Variants in COL26A1 observed in about 807,000 individuals in gnomAD.
The protein encoded by COL26A1 is collagen type XXVI alpha 1 chain, also known as collagen alpha-1(XXVI) chain.
A neutral mutation model predicts 59.3 loss-of-function variants in COL26A1; 41 were observed. The observed-to-expected ratio is 0.69, with a 90% CI of 0.54 to 0.90. COL26A1 has a LOEUF of 0.90. COL26A1 is among the 40% of genes least tolerant of loss of function. COL26A1 has a pLI of 0.00. For missense variants in COL26A1, 612 were observed against 602.3 expected, an observed-to-expected ratio of 1.02 and a Z score of -0.17; for synonymous variants, 266 against 256.0, an observed-to-expected ratio of 1.04 and a Z score of -0.37.
rs369723412 is a variant in COL26A1 at position 101,363,031 on chromosome 7, C to T, written c.-2C>T. The T allele has an allele frequency of 2.9e-5, 46 of 1,575,098 alleles. No homozygotes were observed. The African/African-American group carries it at 6.1e-4, about 21-fold the overall frequency. Reference sequence around the variant, plus strand: ...CCGGGTCCCCGCGGGCTGCTGCGCACGATGAAGCTGGCCCTGCTCCTGCCC... The same window carrying T: ...CCGGGTCCCCGCGGGCTGCTGCGCATGATGAAGCTGGCCCTGCTCCTGCCC... On this transcript the variant is annotated 5_prime_UTR_variant, in exon 1 of 13. In the 5' UTR this introduces an upstream ATG that the reference lacks. Coordinates refer to ENST00000313669, the MANE Select transcript of COL26A1 (RefSeq NM_001278563.3).
chr7:101,401,647 G>A (rs1372379596), intron 1 of COL26A1, among the ~76,000 whole-genome samples: 1 of 111,680 alleles, frequency 9.0e-6, no homozygotes, highest in Admixed American at 1.1e-4. Flanking sequence ...AGGGAGAGGA[G>A]GAGGTGGAGG....
At chr7:101,497,484 C>T (rs1315886645) in intron 3 of COL26A1, among the ~76,000 whole-genome samples, 1 of 151,534 alleles carries the variant, frequency 6.6e-6, no homozygotes, top group Admixed American at 6.6e-5. Context: ...AGACCAGCCT[C>T]GGCAACATAG....
intron 2 of COL26A1, among the ~76,000 whole-genome samples, chr7:101,425,746 A>T (rs996470159): frequency 6.6e-6 from 1 of 151,402 alleles, no homozygotes; most frequent in African/African-American, 2.4e-5. Flanking sequence ...ACCTCAAATG[A>T]TCGGCCTCCC....
chr7:101,522,068 T>C (rs1156575476), intron 3 of COL26A1, among the ~76,000 whole-genome samples: 1 of 152,200 alleles, frequency 6.6e-6, no homozygotes. Context: ...AATGCTGCCA[T>C]GAACGTTCTT....
chr7:101,519,063 A>G (rs551798706), intron 3 of COL26A1, among the ~76,000 whole-genome samples: 1 of 152,308 alleles, frequency 6.6e-6, no homozygotes. Context: ...AAATTAATAT[A>G]TTAATTTAAT....
intron 2 of COL26A1, among the ~76,000 whole-genome samples, chr7:101,430,191 T>C (rs1374396845): frequency 2.6e-5 from 4 of 152,216 alleles, no homozygotes; most frequent in Non-Finnish European, 4.4e-5. Flanking sequence ...TTTTGTTAGA[T>C]TCATACCTAA....
chr7:101,407,889 A>T (rs190089546), intron 1 of COL26A1, among the ~76,000 whole-genome samples: 3 of 152,276 alleles, frequency 2.0e-5, no homozygotes, highest in Admixed American at 2.0e-4. Context: ...TTATACAGAA[A>T]TTATGAATAA....
intron 2 of COL26A1, among the ~76,000 whole-genome samples, chr7:101,445,601 G>A (rs1033631531): frequency 6.6e-5 from 10 of 151,406 alleles, no homozygotes; most frequent in Non-Finnish European, 1.0e-4. Context: ...GCGTGGTGGC[G>A]GGCGCCTGTA....
At chr7:101,462,152 T>C (rs1196403510) in intron 3 of COL26A1, among the ~76,000 whole-genome samples, 1 of 151,040 alleles carries the variant, frequency 6.6e-6, no homozygotes, top group African/African-American at 2.4e-5. Flanking sequence ...GGTGCCCGCC[T>C]CCACGCCCGG....
At chr7:101,505,823 TCAATC>T (rs1281439104) in intron 3 of COL26A1, among the ~76,000 whole-genome samples, 1 of 152,166 alleles carries the variant, frequency 6.6e-6, no homozygotes, top group Non-Finnish European at 1.5e-5. Flanking sequence ...TTTGCATCCT[TCAATC>T]CAATCAAGTT....
At chr7:101,527,535 C>T (rs1795274098) in intron 3 of COL26A1, among the ~76,000 whole-genome samples, 2 of 151,736 alleles carry the variant, frequency 1.3e-5, no homozygotes, top group South Asian at 4.2e-4. Flanking sequence ...GGGGTTTCAC[C>T]ATGTTGGCCA....
chr7:101,387,755 TATATATATATATATATATATA>T (rs1169973131), intron 1 of COL26A1, among the ~76,000 whole-genome samples: 7 of 53,240 alleles, frequency 1.3e-4, no homozygotes, highest in African/African-American at 3.3e-4. Flanking sequence ...TATATATATT[TATATATATATATATATATATA>T]TATTTTTTTT....
rs535398875 is a variant in COL26A1 at position 101,500,839 on chromosome 7, T to A, written c.386-32243T>A. On this transcript the variant is annotated intron_variant, in intron 3 of 12. Coordinates refer to ENST00000313669, the MANE Select transcript of COL26A1 (RefSeq NM_001278563.3). ...CTGTCTCAATAAATAAAAAAATAAA[T>A]AAATAGATAAAAAAAGAAAAGTGCC... is the stretch of plus-strand genomic sequence containing the variant. 2.7e-5 allele frequency among the ~76,000 whole-genome samples: 4 copies of A among 150,216 alleles called. No individual in the cohort carries two copies. The South Asian group carries it at 6.3e-4, about 24-fold the overall frequency.
intron 1 of COL26A1, among the ~76,000 whole-genome samples, chr7:101,382,036 A>T (rs1039511108): frequency 6.6e-6 from 1 of 152,062 alleles, no homozygotes; most frequent in Non-Finnish European, 1.5e-5. Flanking sequence ...TTTGTTTTTT[A>T]AAATTTTTAT....
At chr7:101,408,212 G>C (rs1231804508) in intron 1 of COL26A1, among the ~76,000 whole-genome samples, 2 of 152,180 alleles carry the variant, frequency 1.3e-5, no homozygotes, top group Admixed American at 1.3e-4. Context: ...ATGGCTTTTA[G>C]GATAAATCCC....
chr7:101,419,484 T>TGCTTCCCCTGCTG (rs1293179920), intron 1 of COL26A1, among the ~76,000 whole-genome samples: 1 of 152,252 alleles, frequency 6.6e-6, no homozygotes, highest in East Asian at 1.9e-4. Context: ...GTTACACCGC[T>TGCTTCCCCTGCTG]GCTTCCCCTG....
At chr7:101,439,636 C>A (rs1487806359) in intron 2 of COL26A1, among the ~76,000 whole-genome samples, 1 of 149,848 alleles carries the variant, frequency 6.7e-6, no homozygotes, top group Non-Finnish European at 1.5e-5. Context: ...AAGTCACCTG[C>A]GAGGCCAGGG....
intron 11 of COL26A1, among the ~76,000 whole-genome samples, chr7:101,555,444 G>C (rs574251762): frequency 9.8e-5 from 15 of 152,296 alleles, no homozygotes; most frequent in African/African-American, 3.1e-4. Flanking sequence ...CAGGACATGT[G>C]GGGGAAGCTG....
At chr7:101,534,718 A>C (rs1166377540) in intron 4 of COL26A1, among the ~76,000 whole-genome samples, 5 of 152,036 alleles carry the variant, frequency 3.3e-5, no homozygotes, top group Admixed American at 3.3e-4. Context: ...AGCCCTTGAC[A>C]ACTCCACATT....
Sources: allele counts gnomAD v4.1 joint callset (sites outside exome capture counted in the v4.1 genomes callset), GRCh38; gene constraint gnomAD v4.1.1; transcripts MANE v1.5; gene names NCBI Gene and HGNC (gene_info 2026-07-23, HGNC 2026-07-21).